Variants in FBLN1 observed in about 807,000 individuals in gnomAD.
FBLN1 encodes fibulin 1, also known as fibulin-1.
In FBLN1, 34 loss-of-function variants were observed where a neutral mutation model predicts 89.7. That is an observed-to-expected ratio of 0.38 (90% confidence interval 0.29 to 0.50). The LOEUF is 0.50. Among genes scored for constraint, FBLN1 ranks in the 20% least tolerant of loss-of-function variants. The pLI, the probability that FBLN1 is intolerant of heterozygous loss-of-function variation, is 0.92. For synonymous variants in FBLN1, 393 were observed against 391.3 expected (o/e 1.00, Z -0.05); for missense variants, 777 against 988.1 (o/e 0.79, Z 2.86).
rs2088990066 is a variant in FBLN1 at position 45,575,583 on chromosome 22, G to A, written c.1840+930G>A. Among the ~76,000 whole-genome samples the A allele has an allele frequency of 6.6e-6, 1 of 152,196 alleles. No homozygotes were observed. The highest frequency in any genetic ancestry group is 2.4e-5 in the African/African-American group (1 of 41,448). On this transcript the variant is annotated intron_variant, in intron 15 of 16. Transcript: ENST00000327858. This position sits in a 1 kb window ranked among gnomAD's most constrained non-coding sequence, Gnocchi z 6.3. ...TCATCCTGTTGATCCAGGGCCAGGT[G>A]AACTGGAGGGGCCAGACGGGGAGCA... is the stretch of plus-strand genomic sequence containing the variant.
intron 16 of FBLN1, among the ~76,000 whole-genome samples, chr22:45,595,785 G>A (rs1018547210): frequency 1.3e-5 from 2 of 152,282 alleles, no homozygotes; most frequent in African/African-American, 4.8e-5. Flanking sequence ...ATAGCCAGTG[G>A]TCATTTCTCA....
Position 45,545,627 on chromosome 22 carries a change from G to A in FBLN1, c.1322-1458G>A, listed in dbSNP as rs574271854. Among the ~76,000 whole-genome samples the A allele has an allele frequency of 1.3e-5, 2 of 152,244 alleles. No homozygotes were observed. The highest frequency in any genetic ancestry group is 2.1e-4 in the South Asian group (1 of 4,816). On this transcript the variant is annotated intron_variant, in intron 11 of 16. Transcript: ENST00000327858. The surrounding 1 kb of genome is among the most constrained non-coding windows in gnomAD (Gnocchi z 5.9). ...TGCCCCGGGTGTGTAGCAAGAACTC[G>A]GTCCTGCACTGGGGAGTGTCTCTAG...
Position 45,550,566 on chromosome 22 carries a change from C to A in FBLN1, c.1648C>A (p.Arg550Ser). ...ETCFNIQGGF[R>S]CLAFECPENY... ...CTGCTTCAACATCCAGGGCGGCTTCCGCTGCCTGGCCTTCGAGTGCCCTGA... is the reference window on the plus strand; with the variant it reads ...CTGCTTCAACATCCAGGGCGGCTTCAGCTGCCTGGCCTTCGAGTGCCCTGA... Residue 550 changes from arginine (R) to serine (S), a missense_variant, in exon 14 of 17, where the codon CGC becomes AGC. Arg to Ser is a moderately radical substitution (Grantham distance 110, BLOSUM62 -1). Coordinates refer to ENST00000327858, the MANE Select transcript of FBLN1 (RefSeq NM_006486.3). This position sits in a 1 kb window ranked among gnomAD's most constrained non-coding sequence, Gnocchi z 8.4. 3.1e-6 allele frequency: 5 copies of A among 1,614,116 alleles called. No homozygotes were observed. Among genetic ancestry groups the A allele is most frequent in the Non-Finnish European group, 4.2e-6 (5 of 1,180,040 alleles).
intron 14 of FBLN1, among the ~76,000 whole-genome samples, chr22:45,552,957 T>C (rs1188855006): frequency 6.6e-6 from 1 of 152,186 alleles, no homozygotes; most frequent in Non-Finnish European, 1.5e-5. Context: ...TCTAGAAAGC[T>C]GGAGCAAAGC....
At chr22:45,559,403 A>G (rs527830879) in intron 14 of FBLN1, among the ~76,000 whole-genome samples, 42 of 152,302 alleles carry the variant, frequency 2.8e-4, no homozygotes, top group African/African-American at 9.1e-4. Flanking sequence ...AATCTCTGCA[A>G]TCCCTCCGGG....
Position 45,525,599 on chromosome 22 carries a change from G to A in FBLN1, c.242G>A (p.Gly81Asp). ...CTGGAGGAGCTGCACTGTGCCACGGGCATCAGCCTGGCCAACGAGCAGGAC... is the reference window on the plus strand; with the variant it reads ...CTGGAGGAGCTGCACTGTGCCACGGACATCAGCCTGGCCAACGAGCAGGAC... ...SQLEELHCATGISLANEQDRC... is the reference protein window; with the variant it reads ...SQLEELHCATDISLANEQDRC... The change falls in exon 3 of 17, where the codon GGC becomes GAC. Residue 81 changes from glycine to aspartate, a missense_variant. Gly to Asp is a moderately conservative substitution (Grantham distance 94). Coordinates refer to ENST00000327858, the MANE Select transcript of FBLN1 (RefSeq NM_006486.3). 1 of 1,550,616 alleles carries A rather than the reference G, an allele frequency of 6.4e-7. No homozygotes were observed. The highest frequency in any genetic ancestry group is 1.2e-5 in the South Asian group (1 of 84,040).
rs375216643 is a variant in FBLN1, at chr22:45,543,244, A to G, written c.1196-157A>G. Among the ~76,000 whole-genome samples the G allele has an allele frequency of 7.2e-5, 11 of 152,114 alleles. No individual in the cohort carries two copies. The East Asian group carries it at 1.9e-3, about 27-fold the overall frequency. On this transcript the variant is annotated intron_variant, in intron 10 of 16. Coordinates refer to ENST00000327858, the MANE Select transcript of FBLN1 (RefSeq NM_006486.3). ...TCATGCCACTGCAATCCAGCCTAGG[A>G]GACAGAGCGAGACTCCATCTCAAAG... is the stretch of plus-strand genomic sequence containing the variant.
chr22:45,591,705 C>T (rs1019126938), intron 16 of FBLN1, among the ~76,000 whole-genome samples: 2 of 152,158 alleles, frequency 1.3e-5, no homozygotes, highest in Non-Finnish European at 1.5e-5. Context: ...GCTTCTGATG[C>T]GATTCTCTCT....
intron 2 of FBLN1, among the ~76,000 whole-genome samples, chr22:45,522,245 C>T (rs1485551528): frequency 1.3e-5 from 2 of 152,204 alleles, no homozygotes; most frequent in Non-Finnish European, 2.9e-5. Flanking sequence ...CTCAGCCTCC[C>T]AACATGCTGA....
At chr22:45,528,404 G>A (rs368883014) in intron 4 of FBLN1, among the ~76,000 whole-genome samples, 2 of 152,184 alleles carry the variant, frequency 1.3e-5, no homozygotes, top group East Asian at 1.9e-4. Context: ...CAGTGCAGTG[G>A]TGTGATCTTG....
rs747898019 is a variant in FBLN1 at position 45,527,820 on chromosome 22, A to C, written c.322-27A>C. On this transcript the variant is annotated intron_variant, in intron 3 of 16. Transcript: ENST00000327858. Reference sequence around the variant, plus strand: ...CGCTGGGCTGTCTGCCCGCTCCTCCATCTGGGATCTCCACCTGTGTTTGCA... The same window carrying C: ...CGCTGGGCTGTCTGCCCGCTCCTCCCTCTGGGATCTCCACCTGTGTTTGCA... The C allele has an allele frequency of 1.9e-6, 3 of 1,612,780 alleles. No individual in the cohort carries two copies. In the African/African-American group the frequency reaches 4.0e-5, roughly 22 times the overall value.
intron 2 of FBLN1, among the ~76,000 whole-genome samples, chr22:45,519,991 G>A (rs2088227563): frequency 6.6e-6 from 1 of 152,160 alleles, no homozygotes; most frequent in Non-Finnish European, 1.5e-5. Flanking sequence ...CCAACGTGGT[G>A]AAACCCCGTC....
chr22:45,555,262 TATAAAATGGA>T (rs1384700544), intron 14 of FBLN1, among the ~76,000 whole-genome samples: 1 of 35,076 alleles, frequency 2.9e-5, no homozygotes, highest in African/African-American at 7.0e-5. Flanking sequence ...TATATATATA[TATAAAATGGA>T]ATATATATAT....
rs1021352768 is a variant in FBLN1, at chr22:45,549,462, G to C, written c.1573+718G>C. 1.2e-4 allele frequency among the ~76,000 whole-genome samples: 18 copies of C among 152,172 alleles called. No homozygotes were observed. The highest frequency in any genetic ancestry group is 4.3e-4 in the African/African-American group (18 of 41,432). On this transcript the variant is annotated intron_variant, in intron 13 of 16. Transcript: ENST00000327858. This position sits in a 1 kb window ranked among gnomAD's most constrained non-coding sequence, Gnocchi z 5.7. ...AGATGTAGCTTCTGGTCATGAGGAA[G>C]GTGACTTTGATGAAAGGCAGGCAGG...
At chr22:45,548,579 G>C (rs1367589756) in intron 12 of FBLN1, 34 bp from the exon 13 acceptor site, 1 of 1,612,682 alleles carries the variant, frequency 6.2e-7, no homozygotes, top group Non-Finnish European at 8.5e-7. Flanking sequence ...CAGGTGCCAG[G>C]ACACTGAGGC....
chr22:45,584,199 A>G (rs916032620), intron 16 of FBLN1, among the ~76,000 whole-genome samples: 2 of 152,214 alleles, frequency 1.3e-5, no homozygotes, highest in African/African-American at 2.4e-5. Flanking sequence ...AGAAGCCGGC[A>G]CAACACCCAG....
At chr22:45,518,580 C>T (rs916487154) in intron 1 of FBLN1, 102 bp from the exon 2 acceptor site, 4 of 853,832 alleles carry the variant, frequency 4.7e-6, no homozygotes, top group East Asian at 5.3e-5. Flanking sequence ...CTGATGCTGT[C>T]GTCAAGACAG....
intron 2 of FBLN1, among the ~76,000 whole-genome samples, chr22:45,520,940 C>T (rs1282340795): frequency 1.3e-5 from 2 of 152,034 alleles, no homozygotes; most frequent in South Asian, 2.1e-4. Context: ...CTCAGCCTCT[C>T]GAGTACCTGA....
intron 1 of FBLN1, among the ~76,000 whole-genome samples, chr22:45,515,927 C>T (rs908520084): frequency 6.6e-6 from 1 of 152,188 alleles, no homozygotes; most frequent in Admixed American, 6.5e-5. Context: ...TGTTTCTACT[C>T]AACTCTGTAG....
Sources: gnomAD v4.1 joint callset for allele counts (sites outside exome capture counted in the v4.1 genomes callset) on GRCh38, gnomAD v4.1.1 for gene constraint, Gnocchi (gnomAD v3.1) non-coding constraint, MANE v1.5 for transcripts, NCBI Gene and HGNC (gene_info 2026-07-23, HGNC 2026-07-21) for gene names.